UBE2W: variants seen among roughly 807,000 people sequenced by gnomAD.
UBE2W encodes the protein ubiquitin-conjugating enzyme E2 W.
UBE2W carries 18 observed loss-of-function variants against 27.2 expected under a neutral mutation model. That is an observed-to-expected ratio of 0.66 (90% CI 0.46 to 0.98). The LOEUF (loss-of-function observed/expected upper bound fraction) is 0.98, where lower values mean the gene tolerates loss of function less well. Ranked by LOEUF, UBE2W falls within the 50% of genes least tolerant of loss-of-function variation. UBE2W has a pLI of 0.00. For missense variants in UBE2W, 90 were observed against 180.2 expected (o/e 0.50, Z 2.87); for synonymous variants, 53 against 57.2 (o/e 0.93, Z 0.33).
chr8:73,833,378 A>G (rs1563602562), intron 1 of UBE2W, among the ~76,000 whole-genome samples: 1 of 151,818 alleles, frequency 6.6e-6, no homozygotes, highest in African/African-American at 2.4e-5. Flanking sequence ...AAATGATTTT[A>G]TATGTATAAT....
chr8:73,810,071 A>T (rs1237316197), intron 4 of UBE2W, among the ~76,000 whole-genome samples: 3 of 152,130 alleles, frequency 2.0e-5, no homozygotes, highest in Non-Finnish European at 2.9e-5. Flanking sequence ...AAATTCCCTG[A>T]AACAGGTTGA....
Position 73,792,687 on chromosome 8 carries a change from A to G in UBE2W, c.*1415T>C, listed in dbSNP as rs766920715. 5.1e-6 allele frequency: 5 copies of G among 985,210 alleles called. No individual in the cohort carries two copies. The highest frequency in any genetic ancestry group is 6.0e-6 in the Non-Finnish European group (5 of 829,444). The allele number at this position is 985,210 out of a possible 1,614,324, so 61.0% of individuals were successfully genotyped here. A position where few individuals can be genotyped will look rare whatever the true frequency, so the allele number is the denominator to read the frequency against. Reference sequence around the variant, plus strand: ...ACATTGTAGTAGAAACAGATTTTGCATATGTGAAAAGGTAATTTATAAAAT... The same window carrying G: ...ACATTGTAGTAGAAACAGATTTTGCGTATGTGAAAAGGTAATTTATAAAAT... On this transcript the variant is annotated 3_prime_UTR_variant, in exon 6 of 6. Coordinates refer to ENST00000602593, the MANE Select transcript of UBE2W (RefSeq NM_018299.6).
intron 5 of UBE2W, among the ~76,000 whole-genome samples, chr8:73,794,912 C>G (rs1808349461): frequency 1.4e-5 from 2 of 142,886 alleles, no homozygotes; most frequent in Non-Finnish European, 3.1e-5. Flanking sequence ...AGTATAGATA[C>G]ATATGCAAAT....
intron 1 of UBE2W, among the ~76,000 whole-genome samples, chr8:73,836,546 C>A (rs1810314410): frequency 6.6e-6 from 1 of 152,116 alleles, no homozygotes; most frequent in Non-Finnish European, 1.5e-5. Flanking sequence ...AAAACTAGTT[C>A]TAAGTTTCCC....
intron 1 of UBE2W, among the ~76,000 whole-genome samples, chr8:73,856,982 T>C (rs967006731): frequency 9.2e-5 from 14 of 152,074 alleles, no homozygotes; most frequent in African/African-American, 3.1e-4. Context: ...GCTGAGATTA[T>C]AGACGTGAGC....
At chr8:73,860,363 G>A (rs1811490265) in intron 1 of UBE2W, among the ~76,000 whole-genome samples, 2 of 152,120 alleles carry the variant, frequency 1.3e-5, no homozygotes. Context: ...TCAGAGATAA[G>A]GCAAGAAGGC....
At chr8:73,796,712 T>C in intron 5 of UBE2W, 1 of 948,642 alleles carries the variant, frequency 1.1e-6, no homozygotes, top group South Asian at 4.9e-5. Flanking sequence ...CAAGAGTTTA[T>C]AAGCAAACTT....
chr8:73,817,643 G>T (rs1221556558), intron 3 of UBE2W, among the ~76,000 whole-genome samples: 1 of 152,074 alleles, frequency 6.6e-6, no homozygotes, highest in African/African-American at 2.4e-5. Context: ...TCAGCCTGCT[G>T]AATTGCTGGG....
chr8:73,851,873 C>T (rs1167304601), intron 1 of UBE2W, among the ~76,000 whole-genome samples: 5 of 113,516 alleles, frequency 4.4e-5, no homozygotes, highest in Non-Finnish European at 6.8e-5. Context: ...GCTTCTTGGC[C>T]TATAATCCCA....
chr8:73,874,291 C>T (rs892448831), intron 1 of UBE2W, among the ~76,000 whole-genome samples: 4 of 152,018 alleles, frequency 2.6e-5, no homozygotes, highest in South Asian at 2.1e-4. Context: ...ATAAGCCGGG[C>T]GAGGTGGCAG....
chr8:73,878,794 CA>C lies in UBE2W; in HGVS notation c.15+13del. On this transcript the variant is annotated intron_variant, in intron 1 of 5. Transcript: ENST00000602593. The stretch of plus-strand genomic sequence containing the variant: ...GGCTCCCTGGCCCGCCCAGATGCAG[CA>C]AACTCCTCTCACCTGCATTGACGCC... 2 of 1,548,686 alleles carry C rather than the reference CA, an allele frequency of 1.3e-6. No individual in the cohort carries two copies. Among genetic ancestry groups the C allele is most frequent in the Middle Eastern group, 1.7e-4 (1 of 5,980 alleles).
chr8:73,782,034 G>A (rs575754443), downstream of UBE2W, among the ~76,000 whole-genome samples: 13 of 146,744 alleles, frequency 8.9e-5, no homozygotes, highest in Admixed American at 2.1e-4. Flanking sequence ...TCCACCTCCC[G>A]GGTTCAAGCG....
At chr8:73,807,359 C>T (rs796947967) in intron 4 of UBE2W, among the ~76,000 whole-genome samples, 8 of 152,240 alleles carry the variant, frequency 5.3e-5, no homozygotes, top group African/African-American at 1.9e-4. Flanking sequence ...GAAAGTCTAA[C>T]CAGAAAGCAA....
chr8:73,825,165 A>G lies in UBE2W; in HGVS notation c.192T>C (p.Tyr64=), dbSNP rs1370911715. The G allele has an allele frequency of 3.0e-5, 47 of 1,555,650 alleles. No homozygotes were observed. Among genetic ancestry groups the G allele is most frequent in the Non-Finnish European group, 3.6e-5 (41 of 1,148,520 alleles). The change falls in exon 3 of 6, where the codon TAT becomes TAC. Residue 64 remains tyrosine (Y), a synonymous_variant. Transcript: ENST00000602593. ...FQLLFKFSSR[Y]PFDSPQVMFT... ...CAATTACCTGAGGAGAGTCAAAAGGATATCGACTACTAAATTTAAATAGAA... is the reference window on the plus strand; with the variant it reads ...CAATTACCTGAGGAGAGTCAAAAGGGTATCGACTACTAAATTTAAATAGAA...
At position 73,805,454 on chromosome 8, in the gene UBE2W, C is replaced by CAAAAAAAAAAAAAAAAAA. The variant is rs1162712227; in HGVS notation, c.442+196_442+197insTTTTTTTTTTTTTTTTTT. Among the ~76,000 whole-genome samples the CAAAAAAAAAAAAAAAAAA allele has an allele frequency of 2.1e-3, 30 of 14,572 alleles. 6 individuals are homozygous for CAAAAAAAAAAAAAAAAAA. The highest frequency in any genetic ancestry group is 5.6e-3 in the Admixed American group (4 of 720). 9.6% of individuals were successfully genotyped at this position (14,572 alleles called of 152,430 possible). The stretch of plus-strand genomic sequence containing the variant: ...GGGCAACAAGAGCAAAACTCCATCT[C>CAAAAAAAAAAAAAAAAAA]AAAAAAAAAAAAAAAAACAAAAAAA... On this transcript the variant is annotated intron_variant, in intron 5 of 5. Coordinates refer to ENST00000602593, the MANE Select transcript of UBE2W (RefSeq NM_018299.6).
rs1469306498 is a variant in UBE2W at position 73,788,921 on chromosome 8, C to CT, written c.*5180dup. The CT allele has an allele frequency of 5.1e-6, 5 of 984,668 alleles. No homozygotes were observed. Among genetic ancestry groups the CT allele is most frequent in the African/African-American group, 1.8e-5 (1 of 57,136 alleles). The allele number at this position is 984,668 out of a possible 1,614,324, so 61.0% of individuals were successfully genotyped here. ...TAGATCAGCTTCTATTCAGGCATTC[C>CT]TTCCACATACTCAAAATACCCTCAG... On this transcript the variant is annotated 3_prime_UTR_variant, in exon 6 of 6. Coordinates refer to ENST00000602593, the MANE Select transcript of UBE2W (RefSeq NM_018299.6).
chr8:73,865,937 A>C, intron 1 of UBE2W, among the ~76,000 whole-genome samples: 1 of 152,148 alleles, frequency 6.6e-6, no homozygotes, highest in East Asian at 1.9e-4. Flanking sequence ...ACTGAAGTTG[A>C]TAACGCCTCT....
chr8:73,783,442 G>A (rs748978608), downstream of UBE2W, among the ~76,000 whole-genome samples: 28 of 152,032 alleles, frequency 1.8e-4, no homozygotes, highest in Non-Finnish European at 3.8e-4. Context: ...AATGCCTTTC[G>A]TTCGATGGAG....
chr8:73,859,568 G>A (rs1244105049), intron 1 of UBE2W, among the ~76,000 whole-genome samples: 1 of 152,132 alleles, frequency 6.6e-6, no homozygotes, highest in African/African-American at 2.4e-5. Flanking sequence ...TTTATTGTAA[G>A]AATAGAGTAT....
Sources: gnomAD v4.1 joint callset for allele counts (sites outside exome capture counted in the v4.1 genomes callset) on GRCh38, gnomAD v4.1.1 for gene constraint, MANE v1.5 for transcripts, NCBI Gene and HGNC (gene_info 2026-07-23, HGNC 2026-07-21) for gene names.